COMMD1: variants seen among roughly 807,000 people sequenced by gnomAD.
The protein encoded by COMMD1 is copper metabolism domain containing 1, also known as COMM domain-containing protein 1.
COMMD1 carries 10 observed loss-of-function variants against 17.2 expected under a neutral mutation model. That is an observed-to-expected ratio of 0.58 (90% CI 0.36 to 0.99). The LOEUF is 0.99. Ranked by LOEUF, COMMD1 falls within the 50% of genes least tolerant of loss-of-function variation. The pLI, the probability that COMMD1 is intolerant of heterozygous loss-of-function variation, is 0.01. For synonymous variants in COMMD1, 97 were observed against 91.6 expected (o/e 1.06, Z -0.34); for missense variants, 270 against 231.8 (o/e 1.17, Z -1.07).
At chr2:61,904,271 A>G (rs1669720807), upstream of COMMD1, among the ~76,000 whole-genome samples, 1 of 152,180 alleles carries the variant, frequency 6.6e-6, no homozygotes. Flanking sequence ...TCGGCCTTCC[A>G]AAGTGCTGGG....
At chr2:61,944,575 C>G (rs34115487) in intron 1 of COMMD1, among the ~76,000 whole-genome samples, 1 of 152,168 alleles carries the variant, frequency 6.6e-6, no homozygotes. Context: ...GTAAACTGTC[C>G]TCAGCCACTC....
intron 2 of COMMD1, among the ~76,000 whole-genome samples, chr2:62,103,920 G>A (rs770517740): frequency 3.3e-4 from 50 of 151,652 alleles, no homozygotes; most frequent in African/African-American, 7.5e-4. Flanking sequence ...GGCTTACTGC[G>A]ACCTCTGCCT....
intron 2 of COMMD1, among the ~76,000 whole-genome samples, chr2:62,098,115 T>G (rs999254779): frequency 6.6e-6 from 1 of 152,024 alleles, no homozygotes; most frequent in African/African-American, 2.4e-5. Flanking sequence ...CTAAGTTGTT[T>G]TAGTTGTAAA....
intron 1 of COMMD1, 91 bp downstream of exon 1, chr2:61,905,949 C>A: frequency 1.5e-6 from 2 of 1,329,892 alleles, no homozygotes; most frequent in Non-Finnish European, 2.1e-6. Context: ...CCTGTCCTCA[C>A]AAGCCGAAAG....
At chr2:61,942,928 C>CATATAT (rs371403118) in intron 1 of COMMD1, among the ~76,000 whole-genome samples, 1 of 150,292 alleles carries the variant, frequency 6.7e-6, no homozygotes, top group East Asian at 1.9e-4. Flanking sequence ...TACCTAAACA[C>CATATAT]ATATATATAT....
chr2:62,129,841 A>G (rs1011642399), intron 2 of COMMD1, among the ~76,000 whole-genome samples: 6 of 152,180 alleles, frequency 3.9e-5, no homozygotes, highest in Non-Finnish European at 7.3e-5. Flanking sequence ...GGACAGCCCA[A>G]ACAGAGGATA....
chr2:62,051,816 C>T (rs1298638559), intron 2 of COMMD1, among the ~76,000 whole-genome samples: 1 of 152,148 alleles, frequency 6.6e-6, no homozygotes, highest in African/African-American at 2.4e-5. Context: ...GTTTAGTAAG[C>T]TCATGTATTC....
intron 1 of COMMD1, among the ~76,000 whole-genome samples, chr2:61,929,197 T>G (rs1158965729): frequency 6.6e-6 from 1 of 152,242 alleles, no homozygotes; most frequent in Non-Finnish European, 1.5e-5. Flanking sequence ...ACTGCAGTCC[T>G]AAAGAATGTC....
chr2:62,088,293 G>T (rs1671725469), intron 2 of COMMD1, among the ~76,000 whole-genome samples: 1 of 151,996 alleles, frequency 6.6e-6, no homozygotes, highest in African/African-American at 2.4e-5. Flanking sequence ...TCAGTTCCTT[G>T]TGAGCTGCTT....
At chr2:62,107,629 G>C (rs1344713618) in intron 2 of COMMD1, among the ~76,000 whole-genome samples, 1 of 152,110 alleles carries the variant, frequency 6.6e-6, no homozygotes, top group Admixed American at 6.6e-5. Flanking sequence ...TGTTTTTATT[G>C]ATTAGAAAGA....
chr2:62,128,189 A>T (rs1396867906), intron 2 of COMMD1, among the ~76,000 whole-genome samples: 1 of 151,874 alleles, frequency 6.6e-6, no homozygotes, highest in Non-Finnish European at 1.5e-5. Flanking sequence ...TTAGCCAGGC[A>T]TGTTGGCATG....
chr2:62,131,920 G>A lies in COMMD1; in HGVS notation c.463-3911G>A, dbSNP rs547811635. ...CATTTTTTTTTTTTTAGACAGTCTC[G>A]CTCTGTTGCCCAGGCTGGAGTGCAA... is the stretch of plus-strand genomic sequence containing the variant. On this transcript the variant is annotated intron_variant, in intron 2 of 2. Coordinates refer to ENST00000311832, the MANE Select transcript of COMMD1 (RefSeq NM_152516.4). Among the ~76,000 whole-genome samples, 7 of 146,412 alleles carry A rather than the reference G, an allele frequency of 4.8e-5. No individual in the cohort carries two copies. In the South Asian group the frequency reaches 1.3e-3, roughly 27 times the overall value.
At chr2:61,933,363 G>A (rs1482426207) in intron 1 of COMMD1, among the ~76,000 whole-genome samples, 1 of 151,770 alleles carries the variant, frequency 6.6e-6, no homozygotes, top group African/African-American at 2.4e-5. Flanking sequence ...CAGCTGAAGT[G>A]TTTTTTTCAG....
rs147467013 is a variant in COMMD1 at position 61,980,905 on chromosome 2, A to G, written c.181-19796A>G. On this transcript the variant is annotated intron_variant, in intron 1 of 2. Transcript: ENST00000311832. ...TTGATTTGCATTTCTTTGATGATCAATGATGTTGAGCATCTTTTCATGTAT... is the reference window on the plus strand; with the variant it reads ...TTGATTTGCATTTCTTTGATGATCAGTGATGTTGAGCATCTTTTCATGTAT... Among the ~76,000 whole-genome samples the G allele has an allele frequency of 6.5e-3, 993 of 152,324 alleles. 6 individuals carry two copies. The highest frequency in any genetic ancestry group is 9.9e-3 in the Non-Finnish European group (670 of 68,020).
intron 2 of COMMD1, among the ~76,000 whole-genome samples, chr2:62,066,584 G>T (rs1186596326): frequency 6.6e-6 from 1 of 151,590 alleles, no homozygotes; most frequent in Non-Finnish European, 1.5e-5. Flanking sequence ...TGTATTTTTA[G>T]TAGAGACAGG....
At chr2:61,911,564 C>T (rs552913884) in intron 1 of COMMD1, among the ~76,000 whole-genome samples, 2 of 152,310 alleles carry the variant, frequency 1.3e-5, no homozygotes, top group East Asian at 3.9e-4. Context: ...CCTGAACTGA[C>T]CACGAGTGAT....
intron 2 of COMMD1, among the ~76,000 whole-genome samples, chr2:62,115,608 C>T (rs2104057466): frequency 6.6e-6 from 1 of 152,170 alleles, no homozygotes; most frequent in South Asian, 2.1e-4. Context: ...TGAATATAGA[C>T]TGTATTAGAT....
At chr2:61,957,984 G>T (rs1285778495) in intron 1 of COMMD1, among the ~76,000 whole-genome samples, 1 of 152,190 alleles carries the variant, frequency 6.6e-6, no homozygotes, top group Non-Finnish European at 1.5e-5. Flanking sequence ...TCTTGTGACT[G>T]TCATTTAAGA....
At chr2:62,012,083 A>G (rs997030038) in intron 2 of COMMD1, among the ~76,000 whole-genome samples, 1 of 152,024 alleles carries the variant, frequency 6.6e-6, no homozygotes, top group Non-Finnish European at 1.5e-5. Context: ...CTCCGTCTCT[A>G]CTAAAAAATA....
Sources: gnomAD v4.1 joint callset for allele counts (sites outside exome capture counted in the v4.1 genomes callset) on GRCh38, gnomAD v4.1.1 for gene constraint, MANE v1.5 for transcripts, NCBI Gene and HGNC (gene_info 2026-07-23, HGNC 2026-07-21) for gene names.